DENND4A: variants seen among roughly 807,000 people sequenced by gnomAD.
DENND4A encodes DENN domain containing 4A.
A neutral mutation model predicts 199.3 loss-of-function variants in DENND4A; 70 were observed. The observed-to-expected ratio is 0.35, with a 90% CI of 0.29 to 0.43. The LOEUF is 0.43. DENND4A is among the 20% of genes least tolerant of loss of function. The probability of loss-of-function intolerance (pLI) is 1.00; values close to 1 mark genes in which losing one functional copy is unlikely to be tolerated. For missense variants in DENND4A, 1,723 were observed against 2,255.8 expected (o/e 0.76, Z 4.78); for synonymous variants, 686 against 766.9 (o/e 0.89, Z 1.74).
chr15:65,776,785 C>T (rs1032869920), intron 1 of DENND4A, among the ~76,000 whole-genome samples: 8 of 152,148 alleles, frequency 5.3e-5, no homozygotes, highest in African/African-American at 1.4e-4. Flanking sequence ...TGTCCATCCA[C>T]GTGCAGTGGT....
chr15:65,714,891 C>T (rs1478421491), intron 14 of DENND4A, among the ~76,000 whole-genome samples: 1 of 152,126 alleles, frequency 6.6e-6, no homozygotes, highest in Non-Finnish European at 1.5e-5. Context: ...CCTCTCTCTC[C>T]ACCCTATTTA....
Position 65,660,051 on chromosome 15 carries a change from C to T in DENND4A, c.*1800G>A, listed in dbSNP as rs1347514651. The T allele has an allele frequency of 1.8e-5, 8 of 450,312 alleles. No homozygotes were observed. Among genetic ancestry groups the T allele is most frequent in the Non-Finnish European group, 3.2e-5 (8 of 253,244 alleles). The allele number at this position is 450,312 out of a possible 1,614,324, so 27.9% of individuals were successfully genotyped here. On this transcript the variant is annotated 3_prime_UTR_variant, in exon 33 of 33. Transcript: ENST00000443035. ...TGTTTATCACCAGTGCCAAAAGCCT[C>T]CCCCCTCTGAAATGTTTCTCTCAGT...
intron 30 of DENND4A, chr15:65,664,996 T>C (rs759144310): frequency 1.9e-4 from 89 of 459,734 alleles, no homozygotes; most frequent in Non-Finnish European, 3.0e-4. Context: ...ATCAGCAGCC[T>C]GGGATGGAAA....
At chr15:65,776,061 T>C (rs1596681197) in intron 1 of DENND4A, among the ~76,000 whole-genome samples, 2 of 152,236 alleles carry the variant, frequency 1.3e-5, no homozygotes, top group East Asian at 3.8e-4. Flanking sequence ...TGTATGCTTC[T>C]AGAGTATCTT....
intron 2 of DENND4A, among the ~76,000 whole-genome samples, chr15:65,757,109 T>C (rs2034572965): frequency 6.6e-6 from 1 of 152,126 alleles, no homozygotes; most frequent in Non-Finnish European, 1.5e-5. Flanking sequence ...TACACAGACT[T>C]GTAAGAATGT....
chr15:65,775,057 T>C (rs1425809050), intron 1 of DENND4A, among the ~76,000 whole-genome samples: 3 of 152,062 alleles, frequency 2.0e-5, no homozygotes, highest in East Asian at 1.9e-4. Flanking sequence ...CTTCATAAGC[T>C]TTATAAGCTC....
At chr15:65,746,369 C>CTCTCTCTCT (rs2076392238) in intron 4 of DENND4A, among the ~76,000 whole-genome samples, 1 of 51,300 alleles carries the variant, frequency 1.9e-5, no homozygotes, top group African/African-American at 6.9e-5. Context: ...ACTTTTTTCT[C>CTCTCTCTCT]TTTTTTTTTT....
rs2076937649 is a variant in DENND4A at position 65,690,552 on chromosome 15, G to T, written c.4042C>A (p.Pro1348Thr). ...AGTAGTGTATCTAAGTTAAATGAAG[G>T]TGATGAGTGGGTTAATGTATCCTGA... ...ESQDTLTHSS[P>T]SFNLDTLLVP... The change falls in exon 23 of 33, where the codon CCT becomes ACT. Residue 1348 changes from proline to threonine, a missense_variant. This residue lies in a region of DENND4A where 650 missense variants were observed against 738.1 expected (regional missense o/e 0.88). Transcript: ENST00000443035. 1 of 1,613,640 alleles carries T rather than the reference G, an allele frequency of 6.2e-7. No homozygotes were observed. The highest frequency in any genetic ancestry group is 1.7e-5 in the Admixed American group (1 of 59,952).
intron 20 of DENND4A, among the ~76,000 whole-genome samples, chr15:65,697,701 A>C (rs2077194914): frequency 6.6e-6 from 1 of 152,206 alleles, no homozygotes; most frequent in Non-Finnish European, 1.5e-5. Context: ...TCTTTATACA[A>C]GTCCATGACC....
intron 2 of DENND4A, among the ~76,000 whole-genome samples, chr15:65,759,348 T>C (rs538853532): frequency 1.3e-5 from 2 of 152,020 alleles, no homozygotes; most frequent in African/African-American, 2.4e-5. Flanking sequence ...TGTGGTGGCA[T>C]GTGCCTGTAG....
chr15:65,684,948 C>A (rs2142012280), intron 23 of DENND4A, among the ~76,000 whole-genome samples: 1 of 152,032 alleles, frequency 6.6e-6, no homozygotes, highest in South Asian at 2.1e-4. Context: ...CCTCAGCCTC[C>A]CAAGTAGCTG....
chr15:65,676,540 T>A lies in DENND4A; in HGVS notation c.4274A>T (p.Glu1425Val), dbSNP rs1172188513. Residue 1425 changes from glutamate to valine, a missense_variant, in exon 24 of 33, where the codon GAA (glutamate) becomes GTA (valine). Coordinates refer to ENST00000443035, the MANE Select transcript of DENND4A (RefSeq NM_001320835.1). ...GGTCTCTTGAGAGGAGATAGGTCCT[T>A]CCAACTCATGGCAGACATCTTCATC... ...LTDEDVCHEL[E>V]GPISSQETSA... The A allele has an allele frequency of 6.2e-7, 1 of 1,613,794 alleles. No homozygotes were observed. Among genetic ancestry groups the A allele is most frequent in the Non-Finnish European group, 8.5e-7 (1 of 1,179,788 alleles).
At chr15:65,702,078 C>T (rs1375323461) in intron 17 of DENND4A, among the ~76,000 whole-genome samples, 188 bp from the exon 18 acceptor site, 1 of 152,110 alleles carries the variant, frequency 6.6e-6, no homozygotes, top group African/African-American at 2.4e-5. Context: ...ACCTAGACCA[C>T]ATAGTGAGAC....
chr15:65,755,458 C>G (rs2076676785), intron 3 of DENND4A, among the ~76,000 whole-genome samples: 1 of 152,144 alleles, frequency 6.6e-6, no homozygotes, highest in Non-Finnish European at 1.5e-5. Flanking sequence ...CTTTGATACA[C>G]ACAGTTAACA....
At chr15:65,699,893 G>A (rs2077289369) in intron 20 of DENND4A, among the ~76,000 whole-genome samples, 1 of 151,696 alleles carries the variant, frequency 6.6e-6, no homozygotes, top group African/African-American at 2.4e-5. Flanking sequence ...TGCCCAGACA[G>A]TCTCAAACTC....
At chr15:65,720,588 T>G (rs1428677136) in intron 12 of DENND4A, among the ~76,000 whole-genome samples, 2 of 152,036 alleles carry the variant, frequency 1.3e-5, no homozygotes, top group East Asian at 1.9e-4. Flanking sequence ...ATTTTTGTAT[T>G]TTTAGTAGAG....
chr15:65,753,780 C>A (rs1596610620), intron 3 of DENND4A: 1 of 151,722 alleles, frequency 6.6e-6, no homozygotes, highest in East Asian at 1.9e-4. Context: ...ATATAAAATC[C>A]ACTATACAAA....
intron 1 of DENND4A, among the ~76,000 whole-genome samples, chr15:65,762,766 T>C (rs530520325): frequency 6.6e-6 from 1 of 152,346 alleles, no homozygotes; most frequent in East Asian, 1.9e-4. Context: ...TACAGGAGGA[T>C]GTGTGTAGAT....
rs2076268723 is a variant in DENND4A, at chr15:65,741,776, T to A, written c.570A>T (p.Ser190=). 1 of 1,610,852 alleles carries A rather than the reference T, an allele frequency of 6.2e-7. No individual in the cohort carries two copies. The highest frequency in any genetic ancestry group is 1.3e-5 in the African/African-American group (1 of 75,010). The change falls in exon 5 of 33, where the codon TCA becomes TCT. Residue 190 remains serine, a synonymous_variant. Coordinates refer to ENST00000443035, the MANE Select transcript of DENND4A (RefSeq NM_001320835.1). ...ATTTTTTATAACACAAGTATACTGC[T>A]GATCCCCACTGGATTTAAAAAAATA... ...DKNLNNSMWG[S]AVYLCYKKSV...
Sources: allele counts gnomAD v4.1 joint callset (sites outside exome capture counted in the v4.1 genomes callset), GRCh38; gene constraint gnomAD v4.1.1; regional missense constraint gnomAD v4.1.1; transcripts MANE v1.5; gene names NCBI Gene and HGNC (gene_info 2026-07-23, HGNC 2026-07-21).